Variants in ADGB observed in about 807,000 individuals in gnomAD.
The protein encoded by ADGB is calpain-7-like protein.
ADGB carries 172 observed loss-of-function variants against 210.5 expected under a neutral mutation model. The observed-to-expected ratio is 0.82, with a 90% CI of 0.72 to 0.93. The LOEUF (loss-of-function observed/expected upper bound fraction) is 0.93, where lower values mean the gene tolerates loss of function less well. Ranked by LOEUF, ADGB falls within the 40% of genes least tolerant of loss-of-function variation. The pLI, the probability that ADGB is intolerant of heterozygous loss-of-function variation, is 0.00. For synonymous variants in ADGB, 658 were observed against 662.7 expected (o/e 0.99, Z 0.11); for missense variants, 2,025 against 1,964.8 (o/e 1.03, Z -0.58).
intron 1 of ADGB, among the ~76,000 whole-genome samples, chr6:146,619,535 A>G (rs556845999): frequency 6.0e-4 from 91 of 152,074 alleles, no homozygotes; most frequent in Non-Finnish European, 1.1e-3. Context: ...TTTTTAGTGT[A>G]TCTATTATAG....
At chr6:146,724,539 A>G (rs1776867083) in intron 18 of ADGB, 1 of 361,340 alleles carries the variant, frequency 2.8e-6, no homozygotes. Context: ...TGGGAGATTC[A>G]TAATTGTCAA....
At chr6:146,740,681 A>C (rs1045907642) in intron 24 of ADGB, 88 bp downstream of exon 24, 198 of 1,358,336 alleles carry the variant, frequency 1.5e-4, no homozygotes, top group Non-Finnish European at 1.8e-4. Flanking sequence ...TAAAGGTATT[A>C]GCTTCTGGGT....
chr6:146,743,982 G>A (rs1031885598), intron 25 of ADGB, among the ~76,000 whole-genome samples: 4 of 152,172 alleles, frequency 2.6e-5, no homozygotes, highest in Non-Finnish European at 4.4e-5. Flanking sequence ...TAGAAAAAGA[G>A]CTTAATTGGA....
At chr6:146,699,665 C>T (rs1173390935) in intron 12 of ADGB, among the ~76,000 whole-genome samples, 1 of 149,606 alleles carries the variant, frequency 6.7e-6, no homozygotes, top group African/African-American at 2.6e-5. Flanking sequence ...TAAAATTCAC[C>T]ACCACACTCT....
intron 10 of ADGB, among the ~76,000 whole-genome samples, chr6:146,686,120 C>T (rs1384647917): frequency 1.3e-5 from 2 of 151,912 alleles, no homozygotes; most frequent in African/African-American, 4.8e-5. Context: ...AAGAAAGATA[C>T]AGGATTTATG....
At chr6:146,627,369 T>G (rs1315257124) in intron 1 of ADGB, among the ~76,000 whole-genome samples, 1 of 152,096 alleles carries the variant, frequency 6.6e-6, no homozygotes, top group Non-Finnish European at 1.5e-5. Context: ...CCTTACTGGA[T>G]GCTGGATATT....
intron 5 of ADGB, 134 bp downstream of exon 5, chr6:146,657,114 C>T (rs1254539245): frequency 1.3e-6 from 1 of 760,644 alleles, no homozygotes; most frequent in African/African-American, 1.8e-5. Flanking sequence ...CACCTGAGAT[C>T]AGGAGTTCGC....
At chr6:146,700,428 T>A (rs951248148) in intron 12 of ADGB, among the ~76,000 whole-genome samples, 2 of 152,146 alleles carry the variant, frequency 1.3e-5, no homozygotes, top group African/African-American at 4.8e-5. Flanking sequence ...AAAATACATA[T>A]ACTACAAAAA....
chr6:146,630,970 T>C (rs1201566154), intron 1 of ADGB, among the ~76,000 whole-genome samples: 1 of 152,108 alleles, frequency 6.6e-6, no homozygotes, highest in Non-Finnish European at 1.5e-5. Flanking sequence ...AGGATTACCC[T>C]GGAGGAAAAG....
At chr6:146,717,627 T>C (rs1393832080) in intron 16 of ADGB, 28 bp downstream of exon 16, 1 of 1,245,192 alleles carries the variant, frequency 8.0e-7, no homozygotes, top group Non-Finnish European at 1.1e-6. Context: ...TTTTCTATTC[T>C]CTTTAAATTT....
At chr6:146,670,790 G>A (rs1393690990) in intron 7 of ADGB, among the ~76,000 whole-genome samples, 2 of 152,106 alleles carry the variant, frequency 1.3e-5, no homozygotes, top group Non-Finnish European at 2.9e-5. Flanking sequence ...TACAGTATGT[G>A]CTCAATGAAT....
rs2114647120 is a variant in ADGB, at chr6:146,784,919, G to C, written c.4212+125G>C. On this transcript the variant is annotated intron_variant, in intron 31 of 35. Transcript: ENST00000397944. The stretch of plus-strand genomic sequence containing the variant: ...AGTAATGGTATCTGAAATTTTATCA[G>C]ACAGGCATTGAATAACTACGTTAGG... The C allele has an allele frequency of 3.1e-6, 3 of 963,970 alleles. No homozygotes were observed. The South Asian group carries it at 5.6e-5, about 18-fold the overall frequency. The allele number at this position is 963,970 out of a possible 1,614,324, so 59.7% of individuals were successfully genotyped here.
intron 9 of ADGB, 47 bp from the exon 10 acceptor site, chr6:146,685,687 C>A (rs148991839): frequency 8.1e-7 from 1 of 1,233,248 alleles, no homozygotes; most frequent in South Asian, 1.7e-5. Flanking sequence ...ACTGACAGAC[C>A]GATTTTGACT....
intron 1 of ADGB, among the ~76,000 whole-genome samples, chr6:146,603,412 T>C (rs759237159): frequency 3.9e-5 from 6 of 152,150 alleles, no homozygotes; most frequent in Non-Finnish European, 7.4e-5. Flanking sequence ...AGTTTAAGTA[T>C]TGACAGTATT....
intron 25 of ADGB, 28 bp from the exon 26 acceptor site, chr6:146,745,894 A>T: frequency 1.0e-5 from 15 of 1,504,192 alleles, no homozygotes; most frequent in Non-Finnish European, 1.3e-5. Flanking sequence ...GACATAATTC[A>T]TTTCTGTGTA....
intron 2 of ADGB, among the ~76,000 whole-genome samples, chr6:146,643,184 C>T (rs531871411): frequency 6.6e-6 from 1 of 151,290 alleles, no homozygotes; most frequent in East Asian, 1.9e-4. Context: ...TATTGACGTA[C>T]ATTTTGTCTT....
At chr6:146,605,583 G>T (rs1583555945) in intron 1 of ADGB, among the ~76,000 whole-genome samples, 2 of 152,168 alleles carry the variant, frequency 1.3e-5, no homozygotes, top group East Asian at 3.9e-4. Flanking sequence ...AGCAAACTCA[G>T]TGCAGGAGCT....
chr6:146,715,463 C>T, intron 14 of ADGB, 48 bp downstream of exon 14: 1 of 1,324,610 alleles, frequency 7.5e-7, no homozygotes, highest in Non-Finnish European at 1.0e-6. Flanking sequence ...CATCAAGATA[C>T]AGAGGGGCAT....
intron 35 of ADGB, among the ~76,000 whole-genome samples, chr6:146,804,423 C>A (rs78608727): frequency 0.03 from 4,498 of 152,104 alleles, 215 homozygotes; most frequent in African/African-American, 0.1. Flanking sequence ...TCAAACAGAA[C>A]CTCTCTAAAT....
Sources: gnomAD v4.1 joint callset for allele counts (sites outside exome capture counted in the v4.1 genomes callset) on GRCh38, gnomAD v4.1.1 for gene constraint, MANE v1.5 for transcripts, NCBI Gene and HGNC (gene_info 2026-07-23, HGNC 2026-07-21) for gene names.